The following IKZF1 variants were observed in gnomAD, a reference collection of about 807,000 sequenced individuals.
The protein encoded by IKZF1 is IKAROS family zinc finger 1, also known as DNA-binding protein Ikaros.
In IKZF1, 10 loss-of-function variants were observed where a neutral mutation model predicts 51.7. The ratio of observed to expected loss-of-function variants is 0.19; its 90% CI spans 0.12 to 0.33. The LOEUF (loss-of-function observed/expected upper bound fraction) is 0.33. Among genes scored for constraint, IKZF1 ranks in the 10% least tolerant of loss-of-function variants. IKZF1 has a pLI of 1.00. For missense variants in IKZF1, 484 were observed against 707.5 expected (o/e 0.68, Z 3.58); for synonymous variants, 280 against 282.3 (o/e 0.99, Z 0.08).
At chr7:50,344,644 A>G (rs975467134) in intron 3 of IKZF1, among the ~76,000 whole-genome samples, 8 of 152,366 alleles carry the variant, frequency 5.3e-5, no homozygotes, top group African/African-American at 9.6e-5. Flanking sequence ...GTAGATTGCA[A>G]GTTCCTTGCA....
intron 3 of IKZF1, among the ~76,000 whole-genome samples, chr7:50,329,164 C>CTT (rs535951141): frequency 7.0e-6 from 1 of 143,574 alleles, no homozygotes; most frequent in Non-Finnish European, 1.5e-5. Flanking sequence ...TATAATGGTT[C>CTT]TTTTTTTTTT....
At chr7:50,325,511 A>G (rs1210716820) in intron 2 of IKZF1, among the ~76,000 whole-genome samples, 1 of 152,232 alleles carries the variant, frequency 6.6e-6, no homozygotes, top group East Asian at 1.9e-4. Flanking sequence ...GCAGTGGCTC[A>G]TGCCTGTAAT....
rs2153469171 is a variant in IKZF1 at position 50,376,624 on chromosome 7, G to C, written c.252G>C (p.Met84Ile). The change falls in exon 4 of 8, where the codon ATG (methionine) becomes ATC (isoleucine). Residue 84 changes from methionine (M) to isoleucine (I), a missense_variant. This residue lies in a region of IKZF1 where 118 missense variants were observed against 138.4 expected (regional missense o/e 0.85). Coordinates refer to ENST00000331340, the MANE Select transcript of IKZF1 (RefSeq NM_006060.6). This position sits in a 1 kb window ranked among gnomAD's most constrained non-coding sequence, Gnocchi z 4.5. ...NGEECAEDLR[M>I]LDASGEKMNG... Reference sequence around the variant, plus strand: ...AAGAATGTGCGGAGGATTTACGAATGCTTGATGCCTCGGGAGAGAAAATGA... The same window carrying C: ...AAGAATGTGCGGAGGATTTACGAATCCTTGATGCCTCGGGAGAGAAAATGA... The C allele has an allele frequency of 6.2e-7, 1 of 1,614,004 alleles. No homozygotes were observed. The highest frequency in any genetic ancestry group is 8.5e-7 in the Non-Finnish European group (1 of 1,179,886).
At chr7:50,326,144 C>T (rs1318690859) in intron 2 of IKZF1, among the ~76,000 whole-genome samples, 1 of 152,232 alleles carries the variant, frequency 6.6e-6, no homozygotes, top group African/African-American at 2.4e-5. Flanking sequence ...GATGATTTTA[C>T]TGGTCTTGCC....
chr7:50,342,815 A>G (rs1799364136), intron 3 of IKZF1, among the ~76,000 whole-genome samples: 1 of 152,176 alleles, frequency 6.6e-6, no homozygotes, highest in Admixed American at 6.5e-5. Context: ...TTCCTGTGAA[A>G]GGGACACCTC....
chr7:50,321,914 ACT>A (rs1159221791), intron 2 of IKZF1, among the ~76,000 whole-genome samples: 3 of 152,086 alleles, frequency 2.0e-5, no homozygotes, highest in East Asian at 3.9e-4. Flanking sequence ...GAAAAAGGAA[ACT>A]CTGTTTTTGT....
intron 7 of IKZF1, among the ~76,000 whole-genome samples, chr7:50,392,423 C>T (rs1343600811): frequency 6.6e-6 from 1 of 152,186 alleles, no homozygotes; most frequent in Non-Finnish European, 1.5e-5. Flanking sequence ...GACCATTCGT[C>T]TCTCTAGGAG....
At chr7:50,319,527 T>C (rs1307022640) in intron 2 of IKZF1, among the ~76,000 whole-genome samples, 2 of 152,196 alleles carry the variant, frequency 1.3e-5, no homozygotes, top group East Asian at 3.8e-4. Flanking sequence ...CTTTGCCATA[T>C]ATCTTTTCAA....
chr7:50,344,289 T>C (rs73348121), intron 3 of IKZF1, among the ~76,000 whole-genome samples: 4,263 of 152,348 alleles, frequency 0.028, 88 homozygotes, highest in African/African-American at 0.062. Context: ...CCTTTTGCCT[T>C]GTGTCTAGTG....
At chr7:50,353,613 T>C (rs1225600141) in intron 3 of IKZF1, among the ~76,000 whole-genome samples, 1 of 152,122 alleles carries the variant, frequency 6.6e-6, no homozygotes, top group Non-Finnish European at 1.5e-5. Context: ...CCAGGTGAGC[T>C]CAGGTGGGTC....
chr7:50,400,632 C>T lies in IKZF1; in HGVS notation c.*5C>T, dbSNP rs1817930444. 1 of 1,602,884 alleles carries T rather than the reference C, an allele frequency of 6.2e-7. No individual in the cohort carries two copies. The highest frequency in any genetic ancestry group is 8.5e-7 in the Non-Finnish European group (1 of 1,178,604). ...CACCGCTTCCACATGAGCTAAAGCC[C>T]TCCCGCGCCCCCACCCCAGACCCCG... is the stretch of plus-strand genomic sequence containing the variant. On this transcript the variant is annotated 3_prime_UTR_variant, in exon 8 of 8. Transcript: ENST00000331340. This position sits in a 1 kb window ranked among gnomAD's most constrained non-coding sequence, Gnocchi z 5.4.
chr7:50,387,713 G>C (rs1036469950), intron 6 of IKZF1, among the ~76,000 whole-genome samples: 3 of 152,146 alleles, frequency 2.0e-5, no homozygotes, highest in Non-Finnish European at 4.4e-5. Context: ...ACTTCCAATC[G>C]GGAGAAACTC....
intron 3 of IKZF1, among the ~76,000 whole-genome samples, chr7:50,336,323 T>C (rs1797772141): frequency 1.3e-5 from 2 of 151,904 alleles, no homozygotes; most frequent in Admixed American, 6.5e-5. Context: ...CAGGCACGCA[T>C]GTGCTGGTGA....
chr7:50,332,312 A>C lies in IKZF1; in HGVS notation c.160+4555A>C, dbSNP rs924436054. 2.6e-5 allele frequency among the ~76,000 whole-genome samples: 4 copies of C among 152,172 alleles called. No individual in the cohort carries two copies. The South Asian group carries it at 8.3e-4, about 32-fold the overall frequency. ...GCATTTTTTTCCTCCTCCTTTATACATACATTTTTGCCAGTTACTGACTTC... is the reference window on the plus strand; with the variant it reads ...GCATTTTTTTCCTCCTCCTTTATACCTACATTTTTGCCAGTTACTGACTTC... On this transcript the variant is annotated intron_variant, in intron 3 of 7. Coordinates refer to ENST00000331340, the MANE Select transcript of IKZF1 (RefSeq NM_006060.6).
At chr7:50,321,863 G>T (rs777758076) in intron 2 of IKZF1, among the ~76,000 whole-genome samples, 2 of 152,150 alleles carry the variant, frequency 1.3e-5, no homozygotes, top group African/African-American at 2.4e-5. Context: ...GGTAGCTGGG[G>T]GCGGGGACAA....
chr7:50,329,349 A>G (rs1584520790), intron 3 of IKZF1, among the ~76,000 whole-genome samples: 1 of 152,200 alleles, frequency 6.6e-6, no homozygotes, highest in Non-Finnish European at 1.5e-5. Flanking sequence ...TATCTACTCT[A>G]TTCTACCAAA....
chr7:50,400,198 C>T lies in IKZF1; in HGVS notation c.1131C>T (p.Ser377=). 2 of 1,578,952 alleles carry T rather than the reference C, an allele frequency of 1.3e-6. No homozygotes were observed. The highest frequency in any genetic ancestry group is 1.7e-6 in the Non-Finnish European group (2 of 1,163,650). Residue 377 remains serine (S), a synonymous_variant, in exon 8 of 8, where the codon TCC becomes TCT. Transcript: ENST00000331340. The surrounding 1 kb of genome is among the most constrained non-coding windows in gnomAD (Gnocchi z 5.4). ...DSAVENLLLL[S]KAKLVPSERE... The stretch of plus-strand genomic sequence containing the variant: ...CCGTGGAGAACCTGCTGCTGCTCTC[C>T]AAGGCCAAGTTGGTGCCCTCGGAGC...
At chr7:50,373,856 C>G (rs1809455814) in intron 3 of IKZF1, among the ~76,000 whole-genome samples, 2 of 152,194 alleles carry the variant, frequency 1.3e-5, no homozygotes, top group African/African-American at 4.8e-5. Context: ...GACAGCCAGC[C>G]AGCCTCACTT....
intron 5 of IKZF1, among the ~76,000 whole-genome samples, chr7:50,383,413 G>T (rs1773963967): frequency 6.6e-6 from 1 of 152,206 alleles, no homozygotes. Context: ...ACTAAAGTTT[G>T]GTTAGATCCT....
Sources: allele counts gnomAD v4.1 joint callset (sites outside exome capture counted in the v4.1 genomes callset), GRCh38; gene constraint gnomAD v4.1.1; regional missense constraint gnomAD v4.1.1; non-coding constraint Gnocchi (gnomAD v3.1); transcripts MANE v1.5; gene names NCBI Gene and HGNC (gene_info 2026-07-23, HGNC 2026-07-21).